PI4KA: variants seen among roughly 807,000 people sequenced by gnomAD.
The protein encoded by PI4KA is PI4-kinase alpha.
A neutral mutation model predicts 271.4 loss-of-function variants in PI4KA; 122 were observed. That is an observed-to-expected ratio of 0.45 (90% CI 0.39 to 0.52). PI4KA has a LOEUF of 0.52. Among genes scored for constraint, PI4KA ranks in the 20% least tolerant of loss-of-function variants. The pLI is 0.00. For synonymous variants in PI4KA, 1,041 were observed against 1,078.8 expected, an observed-to-expected ratio of 0.96 and a Z score of 0.69; for missense variants, 1,969 against 2,769.1, an observed-to-expected ratio of 0.71 and a Z score of 6.48.
chr22:20,820,485 A>C (rs1922498121), intron 5 of PI4KA, 54 bp downstream of exon 5: 6 of 1,141,332 alleles, frequency 5.3e-6, no homozygotes, highest in Non-Finnish European at 7.8e-6. Context: ...GAGAAAAGCA[A>C]GGGAAAGAGT....
intron 19 of PI4KA, chr22:20,786,165 C>T (rs1934206167): frequency 6.2e-7 from 1 of 1,613,414 alleles, no homozygotes. Flanking sequence ...ACTCCCTTGT[C>T]CACCCCCGAC....
chr22:20,775,318 G>A (rs1012828011), intron 19 of PI4KA, among the ~76,000 whole-genome samples: 1 of 152,100 alleles, frequency 6.6e-6, no homozygotes, highest in African/African-American at 2.4e-5. Flanking sequence ...TACAATGTTT[G>A]TTATACTAAA....
Position 20,727,319 on chromosome 22 carries a change from G to A in PI4KA, c.4852C>T (p.Pro1618Ser). The A allele has an allele frequency of 6.2e-7, 1 of 1,613,370 alleles. No homozygotes were observed. Among genetic ancestry groups the A allele is most frequent in the Non-Finnish European group, 8.5e-7 (1 of 1,179,960 alleles). ...HVLCWAPTDP[P>S]TGLSYFSSMY... is the part of the protein sequence containing the mutation. ...CTGGAGAAGTAGGAGAGGCCTGTGGGTGGGTCCGTGGGCGCCCAGCACAGC... is the reference window on the plus strand; with the variant it reads ...CTGGAGAAGTAGGAGAGGCCTGTGGATGGGTCCGTGGGCGCCCAGCACAGC... The change falls in exon 41 of 55, where the codon CCC (proline) becomes TCC (serine). Residue 1618 changes from proline (P) to serine (S), a missense_variant. Around this residue, in one of 13 missense-constraint regions of PI4KA, gnomAD observed 388 missense variants for 521.5 expected, o/e 0.74. Transcript: ENST00000255882.
chr22:20,819,304 GT>G (rs140229484), intron 6 of PI4KA, among the ~76,000 whole-genome samples: 233 of 144,618 alleles, frequency 1.6e-3, no homozygotes, highest in African/African-American at 2.0e-3. Context: ...TAAAGGAGTG[GT>G]TTTTTTTTTT....
At chr22:20,850,717 G>A (rs1015714710) in intron 1 of PI4KA, among the ~76,000 whole-genome samples, 1 of 151,972 alleles carries the variant, frequency 6.6e-6, no homozygotes, top group Non-Finnish European at 1.5e-5. Context: ...GATTACAGGT[G>A]TGAGCCACCG....
At chr22:20,828,914 TAAGATA>T (rs900368002) in intron 3 of PI4KA, among the ~76,000 whole-genome samples, 13 of 152,340 alleles carry the variant, frequency 8.5e-5, no homozygotes, top group African/African-American at 2.9e-4. Context: ...CTGTATCTAT[TAAGATA>T]ATCACATGGT....
At chr22:20,795,300 C>T (rs896076181) in intron 18 of PI4KA, among the ~76,000 whole-genome samples, 5 of 151,376 alleles carry the variant, frequency 3.3e-5, no homozygotes, top group African/African-American at 1.2e-4. Context: ...TAGCTCATTA[C>T]AAACACCCCC....
intron 6 of PI4KA, 51 bp downstream of exon 6, chr22:20,819,590 A>T: frequency 1.3e-6 from 2 of 1,533,634 alleles, no homozygotes; most frequent in Middle Eastern, 2.1e-4. Flanking sequence ...TTCGCAGGGG[A>T]GCTTAACAGG....
At chr22:20,810,879 C>A (rs544932234) in intron 9 of PI4KA, 88 bp downstream of exon 9, 1 of 999,786 alleles carries the variant, frequency 1.0e-6, no homozygotes, top group Admixed American at 1.7e-5. Context: ...ACCCCTTCCA[C>A]TCCAGCCCCC....
chr22:20,769,304 C>T (rs114849746), intron 19 of PI4KA, among the ~76,000 whole-genome samples: 1,898 of 152,202 alleles, frequency 0.012, 32 homozygotes, highest in Middle Eastern at 0.041. Flanking sequence ...CTGACTTCTC[C>T]GAGCCTGCTG....
intron 7 of PI4KA, 95 bp from the exon 8 acceptor site, chr22:20,813,601 T>G (rs906608572): frequency 8.7e-7 from 1 of 1,144,020 alleles, no homozygotes; most frequent in Middle Eastern, 2.6e-4. Flanking sequence ...AAGGTGCAGA[T>G]TTTGCCTTTA....
intron 36 of PI4KA, among the ~76,000 whole-genome samples, chr22:20,730,602 G>A (rs536899454): frequency 1.2e-4 from 17 of 147,592 alleles, no homozygotes; most frequent in African/African-American, 3.8e-4. Context: ...AAGGAGTCTC[G>A]CTGTGTTGCC....
chr22:20,809,094 C>T (rs1322422441), intron 9 of PI4KA, among the ~76,000 whole-genome samples: 1 of 152,158 alleles, frequency 6.6e-6, no homozygotes, highest in East Asian at 1.9e-4. Context: ...GTGGTCCTCA[C>T]AGGGCAGAAA....
chr22:20,784,395 A>C lies in PI4KA; in HGVS notation c.2328+8798T>G. The C allele has an allele frequency of 3.6e-6, 4 of 1,103,406 alleles. No individual in the cohort carries two copies. The South Asian group carries it at 5.6e-5, about 16-fold the overall frequency. The allele number at this position is 1,103,406 out of a possible 1,614,324, so 68.4% of individuals were successfully genotyped here. A position where few individuals can be genotyped will look rare whatever the true frequency, so the allele number is the denominator to read the frequency against. Reference sequence around the variant, plus strand: ...AGGGCCACTCTGTTAATTCAGCCCCAATTTGTTGCTTGAGATAAGAGATGA... The same window carrying C: ...AGGGCCACTCTGTTAATTCAGCCCCCATTTGTTGCTTGAGATAAGAGATGA... On this transcript the variant is annotated intron_variant, in intron 19 of 54. Coordinates refer to ENST00000255882, the MANE Select transcript of PI4KA (RefSeq NM_058004.4).
intron 22 of PI4KA, among the ~76,000 whole-genome samples, chr22:20,763,024 G>GT (rs61316459): frequency 0.041 from 3,876 of 94,788 alleles, 268 homozygotes; most frequent in Middle Eastern, 0.1. Flanking sequence ...TTTTGGGGGG[G>GT]GGGGGGGTTA....
At chr22:20,799,335 A>G in intron 15 of PI4KA, 59 bp from the exon 16 acceptor site, 1 of 1,420,020 alleles carries the variant, frequency 7.0e-7, no homozygotes. Flanking sequence ...CAGTAGTGAA[A>G]CAGTACCCAG....
In PI4KA at chr22:20,799,296, A is replaced by G; in HGVS notation, c.1821-20T>C. 1.3e-6 allele frequency: 2 copies of G among 1,509,670 alleles called. No individual in the cohort carries two copies. Among genetic ancestry groups the G allele is most frequent in the South Asian group, 1.4e-5 (1 of 73,770 alleles). 93.5% of individuals were successfully genotyped at this position (1,509,670 alleles called of 1,614,324 possible). On this transcript the variant is annotated intron_variant, in intron 15 of 54. Coordinates refer to ENST00000255882, the MANE Select transcript of PI4KA (RefSeq NM_058004.4). ...GCGTCCCTACAGAAGGAAGAACAGA[A>G]GCGCCCTAGCAACAGTCCCTCCAGC...
At chr22:20,786,330 C>T (rs1219641503) in intron 19 of PI4KA, among the ~76,000 whole-genome samples, 2 of 152,078 alleles carry the variant, frequency 1.3e-5, no homozygotes, top group South Asian at 2.1e-4. Context: ...CTGGAGAGCA[C>T]GGCACCTGGC....
chr22:20,795,630 T>C (rs1934936679), intron 18 of PI4KA, among the ~76,000 whole-genome samples: 1 of 152,194 alleles, frequency 6.6e-6, no homozygotes, highest in Admixed American at 6.5e-5. Context: ...GACATGCTAC[T>C]GGGGAGTTAC....
Sources: allele counts gnomAD v4.1 joint callset (sites outside exome capture counted in the v4.1 genomes callset), GRCh38; gene constraint gnomAD v4.1.1; regional missense constraint gnomAD v4.1.1; transcripts MANE v1.5; gene names NCBI Gene and HGNC (gene_info 2026-07-23, HGNC 2026-07-21).